The following PTPRK variants were observed in gnomAD, a reference collection of about 807,000 sequenced individuals.
The protein encoded by PTPRK is protein tyrosine phosphatase receptor type K.
Under a neutral mutation model 178.0 loss-of-function variants are expected in PTPRK, and 75 were observed. The observed-to-expected ratio is 0.42, with a 90% CI of 0.35 to 0.51. PTPRK has a LOEUF of 0.51. Ranked by LOEUF, PTPRK falls within the 20% of genes least tolerant of loss-of-function variation. The probability of loss-of-function intolerance (pLI) is 0.02; values close to 1 mark genes in which losing one functional copy is unlikely to be tolerated. For missense variants in PTPRK, 1,441 were observed against 1,797.8 expected (o/e 0.80, Z 3.59); for synonymous variants, 637 against 620.6 (o/e 1.03, Z -0.39).
At chr6:128,364,053 G>A (rs1835134770) in intron 2 of PTPRK, among the ~76,000 whole-genome samples, 1 of 152,004 alleles carries the variant, frequency 6.6e-6, no homozygotes, top group Non-Finnish European at 1.5e-5. Context: ...AATTAGCAGA[G>A]CCAAAACCTG....
chr6:128,486,695 T>C (rs1036415830), intron 1 of PTPRK, among the ~76,000 whole-genome samples: 17 of 151,926 alleles, frequency 1.1e-4, no homozygotes, highest in African/African-American at 4.1e-4. Flanking sequence ...ATCCACCTAC[T>C]GGGGAGGCTG....
At chr6:128,457,430 A>G (rs1447478603) in intron 1 of PTPRK, among the ~76,000 whole-genome samples, 1 of 152,188 alleles carries the variant, frequency 6.6e-6, no homozygotes, top group Non-Finnish European at 1.5e-5. Flanking sequence ...ATATTGAGTA[A>G]GTTGAAGAGA....
chr6:128,114,952 T>C (rs1475843450), intron 7 of PTPRK, among the ~76,000 whole-genome samples: 2 of 152,042 alleles, frequency 1.3e-5, no homozygotes, highest in Non-Finnish European at 2.9e-5. Context: ...AGCCATTCTT[T>C]TGTTTATACA....
At chr6:128,078,404 C>T (rs1784212237) in intron 11 of PTPRK, among the ~76,000 whole-genome samples, 1 of 151,942 alleles carries the variant, frequency 6.6e-6, no homozygotes, top group Non-Finnish European at 1.5e-5. Flanking sequence ...GCTAAGCAAC[C>T]TTCTGGCTCC....
At position 128,222,107 on chromosome 6, in the gene PTPRK, T is replaced by G. The variant is rs537877118; in HGVS notation, c.694-3011A>C. Among the ~76,000 whole-genome samples the G allele has an allele frequency of 2.6e-5, 4 of 152,310 alleles. No homozygotes were observed. In the South Asian group the frequency reaches 8.3e-4, roughly 32 times the overall value. Reference sequence around the variant, plus strand: ...TTCTGCACGACTAGCCAATTCCCACTGCCTGTACTGACTTCCAAATTCTCT... The same window carrying G: ...TTCTGCACGACTAGCCAATTCCCACGGCCTGTACTGACTTCCAAATTCTCT... On this transcript the variant is annotated intron_variant, in intron 5 of 29. Transcript: ENST00000368226.
intron 2 of PTPRK, among the ~76,000 whole-genome samples, chr6:128,324,607 A>T (rs150717096): frequency 3.0e-4 from 45 of 152,268 alleles, no homozygotes; most frequent in African/African-American, 9.4e-4. Flanking sequence ...TTGATAATTC[A>T]TCTCTATAGA....
intron 7 of PTPRK, among the ~76,000 whole-genome samples, chr6:128,115,515 T>A (rs1274193319): frequency 6.6e-6 from 1 of 151,524 alleles, no homozygotes; most frequent in Non-Finnish European, 1.5e-5. Flanking sequence ...ATCATAAAAA[T>A]AAAATTAGGA....
intron 6 of PTPRK, among the ~76,000 whole-genome samples, chr6:128,191,588 T>G (rs1803793359): frequency 6.6e-6 from 1 of 152,038 alleles, no homozygotes; most frequent in Non-Finnish European, 1.5e-5. Flanking sequence ...TCACCACAAA[T>G]AAATGGTGAG....
chr6:128,491,742 G>A (rs760522261), intron 1 of PTPRK: 18 of 516,484 alleles, frequency 3.5e-5, no homozygotes, highest in East Asian at 2.7e-4. Context: ...CTTTTCAATC[G>A]CCCTTCATGA....
At chr6:128,021,866 C>T (rs1184975098) in intron 13 of PTPRK, among the ~76,000 whole-genome samples, 2 of 152,114 alleles carry the variant, frequency 1.3e-5, no homozygotes, top group Non-Finnish European at 2.9e-5. Context: ...ATCTCAGTTT[C>T]TTTGTCTATA....
chr6:128,456,820 T>A (rs1562559850), intron 1 of PTPRK, among the ~76,000 whole-genome samples: 1 of 152,134 alleles, frequency 6.6e-6, no homozygotes, highest in Non-Finnish European at 1.5e-5. Flanking sequence ...TTTTTACAGA[T>A]AGAAAGAGAG....
At chr6:128,345,686 T>G (rs1260758994) in intron 2 of PTPRK, among the ~76,000 whole-genome samples, 1 of 152,208 alleles carries the variant, frequency 6.6e-6, no homozygotes, top group Admixed American at 6.5e-5. Context: ...TCCTCTTCAG[T>G]ACATAACTCA....
chr6:128,307,926 A>G (rs984310126), intron 3 of PTPRK, among the ~76,000 whole-genome samples: 1 of 152,334 alleles, frequency 6.6e-6, no homozygotes, highest in East Asian at 1.9e-4. Flanking sequence ...CACATGACTT[A>G]GCAATATCAC....
At chr6:128,057,469 T>C (rs1307317784) in intron 13 of PTPRK, among the ~76,000 whole-genome samples, 1 of 152,226 alleles carries the variant, frequency 6.6e-6, no homozygotes, top group Non-Finnish European at 1.5e-5. Context: ...AAGGGAATCT[T>C]GGCAGATGAT....
intron 2 of PTPRK, among the ~76,000 whole-genome samples, chr6:128,370,041 C>T (rs1836050645): frequency 6.6e-6 from 1 of 152,034 alleles, no homozygotes; most frequent in Non-Finnish European, 1.5e-5. Context: ...GGACAGGATA[C>T]AATAATGAGC....
At chr6:128,323,079 A>C (rs937271844) in intron 2 of PTPRK, among the ~76,000 whole-genome samples, 4 of 152,124 alleles carry the variant, frequency 2.6e-5, no homozygotes, top group African/African-American at 9.7e-5. Flanking sequence ...CCAGTTTAAA[A>C]TCACCAATCT....
At chr6:128,355,758 G>T (rs1056967012) in intron 2 of PTPRK, among the ~76,000 whole-genome samples, 2 of 152,020 alleles carry the variant, frequency 1.3e-5, no homozygotes, top group African/African-American at 4.8e-5. Context: ...TAACAAACCT[G>T]CACGTTGTGC....
intron 7 of PTPRK, among the ~76,000 whole-genome samples, chr6:128,178,025 G>C (rs538820167): frequency 1.3e-5 from 2 of 151,876 alleles, no homozygotes; most frequent in East Asian, 3.9e-4. Context: ...CCATCCTTAT[G>C]GTGACTACTG....
At chr6:128,257,996 T>A (rs1000405923) in intron 3 of PTPRK, among the ~76,000 whole-genome samples, 6 of 152,132 alleles carry the variant, frequency 3.9e-5, no homozygotes, top group Admixed American at 3.3e-4. Flanking sequence ...TGGCTCATAA[T>A]AAATCCTGGG....
Sources: allele counts gnomAD v4.1 joint callset (sites outside exome capture counted in the v4.1 genomes callset), GRCh38; gene constraint gnomAD v4.1.1; transcripts MANE v1.5; gene names NCBI Gene and HGNC (gene_info 2026-07-23, HGNC 2026-07-21).